TUT4: variants seen among roughly 807,000 people sequenced by gnomAD.
TUT4 encodes terminal uridylyltransferase 4.
A neutral mutation model predicts 192.2 loss-of-function variants in TUT4; 36 were observed. The observed-to-expected ratio is 0.19, with a 90% CI of 0.14 to 0.25. The LOEUF (loss-of-function observed/expected upper bound fraction) is 0.25, where lower values mean the gene tolerates loss of function less well. Among genes scored for constraint, TUT4 ranks in the 10% least tolerant of loss-of-function variants. The probability of loss-of-function intolerance (pLI) is 1.00; values close to 1 mark genes in which losing one functional copy is unlikely to be tolerated. For synonymous variants in TUT4, 618 were observed against 666.0 expected (o/e 0.93, Z 1.11); for missense variants, 1,493 against 1,957.2 (o/e 0.76, Z 4.47).
At chr1:52,519,605 G>C (rs1679681169) in intron 2 of TUT4, among the ~76,000 whole-genome samples, 1 of 151,780 alleles carries the variant, frequency 6.6e-6, no homozygotes, top group African/African-American at 2.4e-5. Context: ...TGCCTCCCAG[G>C]TTCAAGCGAT....
chr1:52,423,981 C>T lies in TUT4; in HGVS notation c.4892G>A (p.Cys1631Tyr), dbSNP rs1479944447. The T allele has an allele frequency of 1.9e-6, 3 of 1,612,704 alleles. No individual in the cohort carries two copies. The highest frequency in any genetic ancestry group is 8.5e-7 in the Non-Finnish European group (1 of 1,179,412). Residue 1631 changes from cysteine to tyrosine, a missense_variant, in exon 30 of 30, where the codon TGT (cysteine) becomes TAT (tyrosine). Cys to Tyr is a radical substitution (Grantham distance 194). Around this residue, in one of 7 missense-constraint regions of TUT4, gnomAD observed 351 missense variants for 397.8 expected, o/e 0.88. Transcript: ENST00000257177. ...TGGTGGGTGGGGACAACGCTCTCTA[C>T]ACCGACGGGTGGCACATCTGTCTGT... Reference protein sequence around the residue: ...YTQDRCATRRCRERCPHPPRG... With the variant: ...YTQDRCATRRYRERCPHPPRG...
At chr1:52,483,505 A>G (rs987067135) in intron 9 of TUT4, among the ~76,000 whole-genome samples, 1 of 152,142 alleles carries the variant, frequency 6.6e-6, no homozygotes, top group Non-Finnish European at 1.5e-5. Context: ...CATTCAATCA[A>G]CTGCACACTG....
At chr1:52,434,575 C>T (rs1653160442) in intron 27 of TUT4, 1 of 152,212 alleles carries the variant, frequency 6.6e-6, no homozygotes, top group South Asian at 2.1e-4. Flanking sequence ...CAATGGCTCA[C>T]ACCTGTAATC....
chr1:52,448,274 C>T (rs1658185347), intron 20 of TUT4, among the ~76,000 whole-genome samples: 1 of 152,076 alleles, frequency 6.6e-6, no homozygotes, highest in Admixed American at 6.6e-5. Flanking sequence ...GCACATATTC[C>T]GACATTTCAT....
intron 29 of TUT4, chr1:52,424,256 CAGACTCTCCCCT>C (rs1649050655): frequency 4.3e-6 from 2 of 467,808 alleles, no homozygotes; most frequent in African/African-American, 3.9e-5. Flanking sequence ...AAAAGAGTTG[CAGACTCTCCCCT>C]CCTAAAAGGG....
At chr1:52,481,667 GA>G in intron 10 of TUT4, 32 bp from the exon 11 acceptor site, 1 of 1,513,902 alleles carries the variant, frequency 6.6e-7, no homozygotes, top group Non-Finnish European at 8.8e-7. Flanking sequence ...ATTGGTAGTG[GA>G]AAAATTATTT....
chr1:52,523,418 C>T (rs982153081), intron 2 of TUT4, among the ~76,000 whole-genome samples: 3 of 152,092 alleles, frequency 2.0e-5, no homozygotes, highest in Non-Finnish European at 2.9e-5. Context: ...CCAGCTTAGC[C>T]AACACAGTGA....
Position 52,435,461 on chromosome 1 carries a change from G to T in TUT4, c.4167C>A (p.Ala1389=), listed in dbSNP as rs747916893. The T allele has an allele frequency of 6.2e-6, 10 of 1,613,958 alleles. No homozygotes were observed. Among genetic ancestry groups the T allele is most frequent in the Non-Finnish European group, 8.5e-6 (10 of 1,179,896 alleles). The change falls in exon 27 of 30, where the codon GCC becomes GCA. Residue 1389 remains alanine, a synonymous_variant. Transcript: ENST00000257177. ...ARQRNSSVAA[A]QLVRNLVNAQ... ...CATTTACAAGGTTGCGGACCAGCTG[G>T]GCTGCTAAGAGAAGGCATCACAAAG...
chr1:52,481,615 T>G lies in TUT4; in HGVS notation c.1656A>C (p.Lys552Asn). 5 of 1,613,530 alleles carry G rather than the reference T, an allele frequency of 3.1e-6. No individual in the cohort carries two copies. Among genetic ancestry groups the G allele is most frequent in the Non-Finnish European group, 4.2e-6 (5 of 1,179,918 alleles). ...CCTTCAGCTGAAAGTCATCCATTCT[T>G]TTTGGGTCAAAGCCTTCAATCTATA... ...LGSWIEGFDP[K>N]RMDDFQLKGI... Residue 552 changes from lysine to asparagine, a missense_variant, in exon 11 of 30, where the codon AAA (lysine) becomes AAC (asparagine). Lys to Asn is a moderately conservative substitution (Grantham distance 94, BLOSUM62 0). Coordinates refer to ENST00000257177, the MANE Select transcript of TUT4 (RefSeq NM_001009881.3).
chr1:52,496,694 TGAA>T (rs1672530678), intron 5 of TUT4, among the ~76,000 whole-genome samples: 2 of 152,178 alleles, frequency 1.3e-5, no homozygotes, highest in Non-Finnish European at 2.9e-5. Flanking sequence ...ATGTTTATAC[TGAA>T]AATAATATAA....
At chr1:52,551,172 C>T (rs1689328986) in intron 1 of TUT4, among the ~76,000 whole-genome samples, 1 of 152,168 alleles carries the variant, frequency 6.6e-6, no homozygotes, top group Admixed American at 6.5e-5. Context: ...TAAACTTGAA[C>T]TTATATGCAT....
Position 52,431,276 on chromosome 1 carries a change from G to A in TUT4, c.4448C>T (p.Ala1483Val). 1 of 1,614,212 alleles carries A rather than the reference G, an allele frequency of 6.2e-7. No homozygotes were observed. The highest frequency in any genetic ancestry group is 8.5e-7 in the Non-Finnish European group (1 of 1,180,040). Residue 1483 changes from alanine (A) to valine (V), a missense_variant, in exon 28 of 30, where the codon GCT (alanine) becomes GTT (valine). Transcript: ENST00000257177. The part of the protein sequence containing the change: ...PLYNFPQSPP[A>V]QYSPMHNMGL... ...CATATTGTGCATGGGAGAATACTGA[G>A]CTGGTGGTGACTGGGGAAAGTTATA...
chr1:52,431,213 G>C lies in TUT4; in HGVS notation c.4511C>G (p.Pro1504Arg). 1 of 1,614,208 alleles carries C rather than the reference G, an allele frequency of 6.2e-7. No individual in the cohort carries two copies. Among genetic ancestry groups the C allele is most frequent in the Non-Finnish European group, 8.5e-7 (1 of 1,180,036 alleles). Residue 1504 changes from proline to arginine, a missense_variant, in exon 28 of 30, where the codon CCG (proline) becomes CGG (arginine). Physicochemically the swap from Pro to Arg is moderately radical, Grantham distance 103. Transcript: ENST00000257177. Reference protein sequence around the residue: ...LPMHPLQIPAPSWPIHGPVIH... With the variant: ...LPMHPLQIPARSWPIHGPVIH... ...CACTGGGCCATGGATGGGCCAGGAC[G>C]GGGCAGGGATCTGGAGAGGGTGCAT... is the stretch of plus-strand genomic sequence containing the variant.
chr1:52,459,185 C>T (rs760814239), intron 19 of TUT4, among the ~76,000 whole-genome samples: 17 of 151,826 alleles, frequency 1.1e-4, no homozygotes, highest in Non-Finnish European at 2.4e-4. Context: ...ACTCGGGAGG[C>T]TGAGGCAGGA....
chr1:52,482,007 T>A, intron 9 of TUT4, 84 bp from the exon 10 acceptor site: 1 of 1,199,382 alleles, frequency 8.3e-7, no homozygotes, highest in Non-Finnish European at 1.1e-6. Context: ...CCTACCCTAA[T>A]CATTGTAAAA....
chr1:52,454,544 G>A lies in TUT4; in HGVS notation c.3435+3792C>T, dbSNP rs1001423572. 5.3e-5 allele frequency among the ~76,000 whole-genome samples: 8 copies of A among 152,070 alleles called. No homozygotes were observed. In the East Asian group the frequency reaches 5.8e-4, roughly 11 times the overall value. On this transcript the variant is annotated intron_variant, in intron 20 of 29. Transcript: ENST00000257177. ...TCCACACGCAAAACAATGAATCTAG[G>A]CATAGACCTTATACCGTTCACAAAA...
intron 3 of TUT4, 40 bp downstream of exon 3, chr1:52,515,851 C>T (rs1678583335): frequency 1.2e-6 from 2 of 1,610,412 alleles, no homozygotes; most frequent in South Asian, 1.1e-5. Flanking sequence ...AGTTATGAAA[C>T]ACACATTTCC....
At position 52,475,041 on chromosome 1, in the gene TUT4, T is replaced by C. The variant is rs1666741527; in HGVS notation, c.2518A>G (p.Lys840Glu). Residue 840 changes from lysine to glutamate, a missense_variant, in exon 13 of 30, where the codon AAG becomes GAG. By Grantham distance (56) the Lys-to-Glu change is moderately conservative (BLOSUM62 1). This residue lies in a region of TUT4 where 245 missense variants were observed against 218.4 expected (regional missense o/e 1.12). Coordinates refer to ENST00000257177, the MANE Select transcript of TUT4 (RefSeq NM_001009881.3). ...LSQCNCIDLS[K>E]SPDPDKSTGT... is the part of the protein sequence containing the mutation. Reference sequence around the variant, plus strand: ...GTAGATTTATCTGGGTCAGGCGACTTAGACAAATCAATGCAATTACATTGG... The same window carrying C: ...GTAGATTTATCTGGGTCAGGCGACTCAGACAAATCAATGCAATTACATTGG... 1.9e-6 allele frequency: 3 copies of C among 1,614,184 alleles called. No individual in the cohort carries two copies. Among genetic ancestry groups the C allele is most frequent in the Non-Finnish European group, 8.5e-7 (1 of 1,180,018 alleles).
At chr1:52,459,931 G>A (rs1474456914) in intron 19 of TUT4, among the ~76,000 whole-genome samples, 1 of 151,976 alleles carries the variant, frequency 6.6e-6, no homozygotes, top group Non-Finnish European at 1.5e-5. Context: ...GGGGAGGGGG[G>A]AGAGGAGAGG....
Sources: gnomAD v4.1 joint callset for allele counts (sites outside exome capture counted in the v4.1 genomes callset) on GRCh38, gnomAD v4.1.1 for gene constraint, gnomAD v4.1.1 regional missense constraint, MANE v1.5 for transcripts, NCBI Gene and HGNC (gene_info 2026-07-23, HGNC 2026-07-21) for gene names.